Variants in CCDC178 observed in about 807,000 individuals in gnomAD.
The protein encoded by CCDC178 is coiled-coil domain containing 178, also known as coiled-coil domain-containing protein 178.
Under a neutral mutation model 117.4 loss-of-function variants are expected in CCDC178, and 126 were observed. That is an observed-to-expected ratio of 1.07 (90% CI 0.93 to 1.24). The LOEUF (loss-of-function observed/expected upper bound fraction) is 1.24. Among genes scored for constraint, CCDC178 ranks in the 50% most tolerant of loss-of-function variants. The probability of loss-of-function intolerance (pLI) is 0.00; values close to 1 mark genes in which losing one functional copy is unlikely to be tolerated. For synonymous variants in CCDC178, 283 were observed against 313.4 expected, an observed-to-expected ratio of 0.90 and a Z score of 1.02; for missense variants, 1,030 against 986.9, an observed-to-expected ratio of 1.04 and a Z score of -0.59.
At chr18:33,246,460 G>A (rs182249057) in intron 14 of CCDC178, among the ~76,000 whole-genome samples, 88 of 151,862 alleles carry the variant, frequency 5.8e-4, no homozygotes, top group Non-Finnish European at 1.1e-3. Context: ...ACACAGAGAA[G>A]ATTGAATTAG....
At position 33,319,037 on chromosome 18, in the gene CCDC178, T is replaced by A. The variant is rs145981871; in HGVS notation, c.1022+4454A>T. On this transcript the variant is annotated intron_variant, in intron 11 of 22. Transcript: ENST00000383096. ...AGCCAGAAAGCACTCTCTCTTTTTT[T>A]AAATATATATATTTTTTATTATACT... Among the ~76,000 whole-genome samples, 48 of 152,262 alleles carry A rather than the reference T, an allele frequency of 3.2e-4. No individual in the cohort carries two copies. In the East Asian group the frequency reaches 6.9e-3, roughly 22 times the overall value.
chr18:33,152,248 C>T (rs1392373810), intron 20 of CCDC178, among the ~76,000 whole-genome samples: 2 of 152,196 alleles, frequency 1.3e-5, no homozygotes, highest in Admixed American at 6.5e-5. Flanking sequence ...CAAATGCTCA[C>T]TATTCTATAA....
At chr18:33,108,785 C>T (rs767728344) in intron 20 of CCDC178, among the ~76,000 whole-genome samples, 11 of 151,596 alleles carry the variant, frequency 7.3e-5, no homozygotes, top group East Asian at 1.9e-4. Context: ...ACTATATAAA[C>T]GGTTTTTTAA....
At chr18:33,360,913 G>C (rs1290097531) in intron 6 of CCDC178, among the ~76,000 whole-genome samples, 1 of 151,446 alleles carries the variant, frequency 6.6e-6, no homozygotes, top group Non-Finnish European at 1.5e-5. Flanking sequence ...AATAATCCTA[G>C]TACTCTAAGC....
At chr18:33,327,986 C>A in intron 10 of CCDC178, 1 of 345,872 alleles carries the variant, frequency 2.9e-6, no homozygotes, top group Non-Finnish European at 5.5e-6. Context: ...TCCTTTGATG[C>A]AAGAATGCTT....
intron 21 of CCDC178, among the ~76,000 whole-genome samples, chr18:33,056,125 T>C (rs9963383): frequency 0.14 from 21,621 of 152,104 alleles, 2,382 homozygotes; most frequent in African/African-American, 0.31. Context: ...ATTAAATAAA[T>C]GAAAAAATAA....
chr18:33,199,457 T>C (rs2058968341), intron 20 of CCDC178, among the ~76,000 whole-genome samples: 1 of 152,208 alleles, frequency 6.6e-6, no homozygotes, highest in East Asian at 1.9e-4. Flanking sequence ...CAGTATCTAT[T>C]GTGATGACTT....
chr18:33,069,849 T>TA (rs1054685029), intron 21 of CCDC178, among the ~76,000 whole-genome samples: 1 of 151,728 alleles, frequency 6.6e-6, no homozygotes, highest in African/African-American at 2.4e-5. Flanking sequence ...ATAATCCACT[T>TA]AAAAAATGGG....
intron 5 of CCDC178, among the ~76,000 whole-genome samples, chr18:33,387,304 T>C (rs2063505756): frequency 6.6e-6 from 1 of 152,180 alleles, no homozygotes; most frequent in African/African-American, 2.4e-5. Context: ...ATAGATTCAA[T>C]ACTATTTCCA....
chr18:33,075,377 T>G (rs1020363036), intron 21 of CCDC178, among the ~76,000 whole-genome samples: 3 of 152,322 alleles, frequency 2.0e-5, no homozygotes, highest in Admixed American at 2.0e-4. Flanking sequence ...TTAATCTATA[T>G]TTGCTGTTTG....
At chr18:33,000,268 A>C (rs1334407475) in intron 21 of CCDC178, among the ~76,000 whole-genome samples, 7 of 152,060 alleles carry the variant, frequency 4.6e-5, no homozygotes, top group Admixed American at 2.6e-4. Flanking sequence ...GAGCTTGAAC[A>C]CAGGTTACTT....
At position 33,245,371 on chromosome 18, in the gene CCDC178, T is replaced by A. The variant is rs532191373; in HGVS notation, c.1467A>T (p.Leu489Phe). The change falls in exon 15 of 23, where the codon TTA becomes TTT. Residue 489 changes from leucine (L) to phenylalanine (F), a missense_variant. Coordinates refer to ENST00000383096, the MANE Select transcript of CCDC178 (RefSeq NM_001105528.4). The stretch of plus-strand genomic sequence containing the variant: ...TGTTCTTGAGATGTTTATCATTCTT[T>A]AACTTCATTATTGTCAAATATTTTA... ...SEIKYLTIMK[L>F]KNDKHLKNIY... 37 of 1,600,850 alleles carry A rather than the reference T, an allele frequency of 2.3e-5. No individual in the cohort carries two copies. In the South Asian group the frequency reaches 3.8e-4, roughly 16 times the overall value.
At chr18:33,141,789 A>C (rs1474339660) in intron 20 of CCDC178, among the ~76,000 whole-genome samples, 1 of 152,152 alleles carries the variant, frequency 6.6e-6, no homozygotes, top group Admixed American at 6.6e-5. Context: ...ATTAATGCTG[A>C]TCATGCGACA....
At chr18:33,134,165 G>T (rs969621930) in intron 20 of CCDC178, among the ~76,000 whole-genome samples, 1 of 151,892 alleles carries the variant, frequency 6.6e-6, no homozygotes, top group Non-Finnish European at 1.5e-5. Flanking sequence ...TAGGTCTCCA[G>T]GAATAGTAAT....
intron 21 of CCDC178, among the ~76,000 whole-genome samples, chr18:33,071,276 T>C (rs2057104364): frequency 6.6e-6 from 1 of 152,088 alleles, no homozygotes; most frequent in Admixed American, 6.6e-5. Flanking sequence ...GATCTGTCTA[T>C]ATATAAAATT....
At chr18:33,293,026 G>A in intron 12 of CCDC178, 133 bp downstream of exon 12, 1 of 573,796 alleles carries the variant, frequency 1.7e-6, no homozygotes, top group Non-Finnish European at 3.0e-6. Context: ...TGCAGCAATA[G>A]AAAACTAATA....
chr18:33,148,948 C>T (rs1400980872), intron 20 of CCDC178, among the ~76,000 whole-genome samples: 1 of 152,166 alleles, frequency 6.6e-6, no homozygotes, highest in Non-Finnish European at 1.5e-5. Context: ...TTCCCAGCCC[C>T]CTTGCTAGGA....
chr18:33,196,187 A>C (rs2058927868), intron 20 of CCDC178, among the ~76,000 whole-genome samples: 1 of 152,194 alleles, frequency 6.6e-6, no homozygotes, highest in Non-Finnish European at 1.5e-5. Context: ...AAAACTAACG[A>C]TTATCCTGAC....
chr18:33,005,728 T>C (rs2055733192), intron 21 of CCDC178, among the ~76,000 whole-genome samples: 1 of 152,028 alleles, frequency 6.6e-6, no homozygotes, highest in African/African-American at 2.4e-5. Context: ...TCCATACATA[T>C]ATATATCCAC....
Sources: gnomAD v4.1 joint callset for allele counts (sites outside exome capture counted in the v4.1 genomes callset) on GRCh38, gnomAD v4.1.1 for gene constraint, MANE v1.5 for transcripts, NCBI Gene and HGNC (gene_info 2026-07-23, HGNC 2026-07-21) for gene names.